Variants in MYH6 observed in about 807,000 individuals in gnomAD.
MYH6 encodes the protein myosin-6.
In MYH6, 126 loss-of-function variants were observed where a neutral mutation model predicts 223.2. That is an observed-to-expected ratio of 0.56 (90% CI 0.49 to 0.65). MYH6 has a LOEUF of 0.65. MYH6 is among the 30% of genes least tolerant of loss of function. The pLI is 0.00. For missense variants in MYH6, 2,040 were observed against 2,536.4 expected, an observed-to-expected ratio of 0.80 and a Z score of 4.20; for synonymous variants, 978 against 1,010.2, an observed-to-expected ratio of 0.97 and a Z score of 0.61.
intron 15 of MYH6, among the ~76,000 whole-genome samples, chr14:23,397,951 T>TC (rs1312199402): frequency 1.2e-5 from 1 of 85,956 alleles, no homozygotes; most frequent in African/African-American, 5.3e-5. Context: ...TTCTTCTTCT[T>TC]CTTCTTCTTC....
chr14:23,386,289 T>C, intron 33 of MYH6, 26 bp downstream of exon 33: 1 of 1,614,054 alleles, frequency 6.2e-7, no homozygotes, highest in Admixed American at 1.7e-5. Flanking sequence ...GCCAGTCCCC[T>C]GAGGGGACCT....
chr14:23,401,048 C>T (rs973214435), intron 12 of MYH6, 71 bp from the exon 13 acceptor site: 1 of 1,562,252 alleles, frequency 6.4e-7, no homozygotes. Flanking sequence ...GCTCTGTCAC[C>T]CAGGCTTGAG....
At chr14:23,403,311 G>T in intron 10 of MYH6, 37 bp downstream of exon 10, 1 of 1,553,800 alleles carries the variant, frequency 6.4e-7, no homozygotes. Flanking sequence ...GTGTGCAGCA[G>T]GGACAGCAGT....
chr14:23,384,759 C>T lies in MYH6; in HGVS notation c.5290-42G>A, dbSNP rs114763377. 6.4e-5 allele frequency: 104 copies of T among 1,614,104 alleles called. No homozygotes were observed. The African/African-American group carries it at 1.2e-3, about 18-fold the overall frequency. On this transcript the variant is annotated intron_variant, in intron 35 of 38. Transcript: ENST00000405093. The stretch of plus-strand genomic sequence containing the variant: ...GGTGGCAAGGAACATGGGCCAGGGG[C>T]CGGGGCCTTTTGCCCCCCAAGGATC...
rs768951568 is a variant in MYH6 at position 23,392,610 on chromosome 14, A to G, written c.3294T>C (p.Asp1098=). 3.1e-6 allele frequency: 5 copies of G among 1,599,448 alleles called. No individual in the cohort carries two copies. Among genetic ancestry groups the G allele is most frequent in the Non-Finnish European group, 3.4e-6 (4 of 1,178,430 alleles). ...GTAGTTGAAGGGCCAGCACCTGCTC[A>G]TCCTCAATCTTACTGTTCTGCTGAT... ...DINQQNSKIE[D]EQVLALQLQK... The change falls in exon 25 of 39, where the codon GAT becomes GAC. Residue 1098 remains aspartate, a synonymous_variant. Coordinates refer to ENST00000405093, the MANE Select transcript of MYH6 (RefSeq NM_002471.4).
At chr14:23,404,888 A>T (rs1891733640) in intron 6 of MYH6, 66 bp from the exon 7 acceptor site, 5 of 1,536,526 alleles carry the variant, frequency 3.3e-6, no homozygotes, top group Non-Finnish European at 3.6e-6. Flanking sequence ...GCTCAGCATC[A>T]CATGCTCCCC....
At position 23,387,606 on chromosome 14, in the gene MYH6, C is replaced by T. The variant is rs900579440; in HGVS notation, c.4573G>A (p.Val1525Met). The T allele has an allele frequency of 1.2e-5, 19 of 1,614,026 alleles. No individual in the cohort carries two copies. The African/African-American group carries it at 1.7e-4, about 15-fold the overall frequency. Residue 1525 changes from valine (V) to methionine (M), a missense_variant, in exon 32 of 39, where the codon GTG (valine) becomes ATG (methionine). Physicochemically the swap from Val to Met is conservative, Grantham distance 21. Transcript: ENST00000405093. ...TEQLGEGGKN[V>M]HELEKVRKQL... ...TTGCGGACCTTCTCCAGCTCATGCA[C>T]ATTCTTTCCTCCTTCTCCTAGCTGC...
chr14:23,393,438 C>T lies in MYH6; in HGVS notation c.3009G>A (p.Glu1003=), dbSNP rs199901927. 1 of 1,614,156 alleles carries T rather than the reference C, an allele frequency of 6.2e-7. No individual in the cohort carries two copies. The highest frequency in any genetic ancestry group is 2.2e-5 in the East Asian group (1 of 44,882). The change falls in exon 23 of 39, where the codon GAG becomes GAA. Residue 1003 remains glutamate (E), a synonymous_variant. Transcript: ENST00000405093. ...KLTKEKKALQ[E]AHQQALDDLQ... is the part of the protein sequence containing the mutation. The stretch of plus-strand genomic sequence containing the variant: ...GGTCATCCAGGGCCTGCTGATGGGC[C>T]TCTTGTAGAGCTTTCTTCTCCTTGG...
At position 23,407,565 on chromosome 14, in the gene MYH6, G is replaced by A. The variant is rs1891828542; in HGVS notation, c.-14+11C>T. On this transcript the variant is annotated intron_variant, in intron 2 of 38. Coordinates refer to ENST00000405093, the MANE Select transcript of MYH6 (RefSeq NM_002471.4). The surrounding 1 kb of genome is among the most constrained non-coding windows in gnomAD (Gnocchi z 5.6). The stretch of plus-strand genomic sequence containing the variant: ...CCCAGTCTCTGCAGAGAAAATGGGG[G>A]CAGTTCTCACCTGGTTATCCCTTCA... 5 of 1,231,052 alleles carry A rather than the reference G, an allele frequency of 4.1e-6. No individual in the cohort carries two copies. The highest frequency in any genetic ancestry group is 2.1e-6 in the Non-Finnish European group (2 of 971,992). The allele number at this position is 1,231,052 out of a possible 1,614,324, so 76.3% of individuals were successfully genotyped here.
chr14:23,391,790 G>T (rs1257208521), intron 25 of MYH6, among the ~76,000 whole-genome samples: 1 of 152,144 alleles, frequency 6.6e-6, no homozygotes, highest in African/African-American at 2.4e-5. Flanking sequence ...GATACTAAAA[G>T]CACATTAGGG....
rs766095991 is a variant in MYH6 at position 23,405,768 on chromosome 14, C to G, written c.204G>C (p.Thr68=). The G allele has an allele frequency of 3.7e-6, 6 of 1,614,000 alleles. No individual in the cohort carries two copies. The highest frequency in any genetic ancestry group is 1.3e-5 in the African/African-American group (1 of 74,910). The part of the protein sequence containing the change: ...KVIAETENGK[T]VTVKEDQVLQ... ...ACACCTGGTCCTCCTTCACAGTCAC[C>G]GTCTGGAGGGGGCGCATAAGCAGGA... The change falls in exon 4 of 39, where the codon ACG becomes ACC. Residue 68 remains threonine (T), a splice_region_variant and synonymous_variant. Transcript: ENST00000405093. The surrounding 1 kb of genome is among the most constrained non-coding windows in gnomAD (Gnocchi z 4.7).
Position 23,405,209 on chromosome 14 carries a change from G to T in MYH6, c.502+14C>A, listed in dbSNP as rs550082068. On this transcript the variant is annotated intron_variant, in intron 5 of 38. Transcript: ENST00000405093. The surrounding 1 kb of genome is among the most constrained non-coding windows in gnomAD (Gnocchi z 4.7). ...CTGGGAGGAGGAGCAGAGACCAGGG[G>T]CCACCAGGCTCACCTGTCAGCATGT... 1.3e-4 allele frequency: 202 copies of T among 1,614,000 alleles called. 2 individuals carry two copies. The South Asian group carries it at 2.0e-3, about 16-fold the overall frequency.
rs754263361 is a variant in MYH6 at position 23,389,067 on chromosome 14, G to A, written c.3979-12C>T. 3.2e-6 allele frequency: 5 copies of A among 1,567,238 alleles called. No individual in the cohort carries two copies. The highest frequency in any genetic ancestry group is 3.5e-6 in the Non-Finnish European group (4 of 1,147,348). On this transcript the variant is annotated splice_polypyrimidine_tract_variant and intron_variant, in intron 28 of 38. Coordinates refer to ENST00000405093, the MANE Select transcript of MYH6 (RefSeq NM_002471.4). Reference sequence around the variant, plus strand: ...AGGGCGTTCTTCGCCTGGGGAGGGGGGGGGGCACCAGGAGGTGGGAGGGAC... The same window carrying A: ...AGGGCGTTCTTCGCCTGGGGAGGGGAGGGGGCACCAGGAGGTGGGAGGGAC...
chr14:23,400,827 GC>G lies in MYH6; in HGVS notation c.1291del (p.Ala431GlnfsTer11). On this transcript the variant is annotated frameshift_variant, in exon 13 of 39. Coordinates refer to ENST00000405093, the MANE Select transcript of MYH6 (RefSeq NM_002471.4). LOFTEE classifies it high-confidence loss of function. ...VYYSIGALAK[A>X]VYEKMFNWMV... ...CCAGTTGAACATCTTCTCATACACT[GC>G]CTTGGCCAGAGCCCCGATGGAGTAG... 6.2e-7 allele frequency: 1 copy of G among 1,614,198 alleles called. No homozygotes were observed. Among genetic ancestry groups the G allele is most frequent in the Non-Finnish European group, 8.5e-7 (1 of 1,180,042 alleles).
chr14:23,399,836 C>T (rs533780186), intron 14 of MYH6: 7 of 277,774 alleles, frequency 2.5e-5, no homozygotes, highest in African/African-American at 1.1e-4. Flanking sequence ...TGGGGCCTCC[C>T]GCCTGCGGCC....
chr14:23,388,737 T>A, intron 29 of MYH6, 122 bp downstream of exon 29: 1 of 1,422,976 alleles, frequency 7.0e-7, no homozygotes, highest in Non-Finnish European at 9.9e-7. Flanking sequence ...GCACTTCTGT[T>A]GCCCTCCGAG....
rs1335938482 is a variant in MYH6 at position 23,388,211 on chromosome 14, C to G, written c.4303G>C (p.Glu1435Gln). 23 of 1,612,352 alleles carry G rather than the reference C, an allele frequency of 1.4e-5. No individual in the cohort carries two copies. Among genetic ancestry groups the G allele is most frequent in the Non-Finnish European group, 1.8e-5 (21 of 1,180,054 alleles). Residue 1435 changes from glutamate to glutamine, a missense_variant, in exon 30 of 39, where the codon GAG becomes CAG. Physicochemically the swap from Glu to Gln is conservative, Grantham distance 29 (BLOSUM62 2). Transcript: ENST00000405093. Reference sequence around the variant, plus strand: ...GCTGCAGCAGCAGCATTGGAGCGCTCTACGTCCACCATCAAGTCCTCTATC... The same window carrying G: ...GCTGCAGCAGCAGCATTGGAGCGCTGTACGTCCACCATCAAGTCCTCTATC... ...NEIEDLMVDV[E>Q]RSNAAAAALD...
chr14:23,402,637 A>AGCG (rs1339170644), intron 11 of MYH6, 35 bp from the exon 12 acceptor site: 1 of 1,613,678 alleles, frequency 6.2e-7, no homozygotes, highest in East Asian at 2.2e-5. Flanking sequence ...GGGGGGTTGG[A>AGCG]GCGGTGGCCC....
chr14:23,398,952 T>G lies in MYH6; in HGVS notation c.1667A>C (p.Asn556Thr). ...DMTFKAKLYD[N>T]HLGKSNNFQK... ...GAAATTGTTGGACTTGCCCAGGTGG[T>G]TGTCGTACAGCTTGGCCTTGAAGGT... Residue 556 changes from asparagine to threonine, a missense_variant, in exon 15 of 39, where the codon AAC (asparagine) becomes ACC (threonine). Physicochemically the swap from Asn to Thr is moderately conservative, Grantham distance 65 (BLOSUM62 0). Transcript: ENST00000405093. 3 of 1,614,092 alleles carry G rather than the reference T, an allele frequency of 1.9e-6. No individual in the cohort carries two copies. Among genetic ancestry groups the G allele is most frequent in the Non-Finnish European group, 2.5e-6 (3 of 1,180,014 alleles).
Sources: allele counts gnomAD v4.1 joint callset (sites outside exome capture counted in the v4.1 genomes callset), GRCh38; gene constraint gnomAD v4.1.1; non-coding constraint Gnocchi (gnomAD v3.1); transcripts MANE v1.5; gene names NCBI Gene and HGNC (gene_info 2026-07-23, HGNC 2026-07-21).